NRIP1: variants seen among roughly 807,000 people sequenced by gnomAD.
The protein encoded by NRIP1 is nuclear receptor-interacting protein 1.
Under a neutral mutation model 75.0 loss-of-function variants are expected in NRIP1, and 28 were observed. The observed-to-expected ratio is 0.37, with a 90% CI of 0.28 to 0.51. The LOEUF (loss-of-function observed/expected upper bound fraction) is 0.51. Ranked by LOEUF, NRIP1 falls within the 20% of genes least tolerant of loss-of-function variation. NRIP1 has a pLI of 0.92. For synonymous variants in NRIP1, 526 were observed against 487.6 expected, an observed-to-expected ratio of 1.08 and a Z score of -1.04; for missense variants, 1,435 against 1,343.7, an observed-to-expected ratio of 1.07 and a Z score of -1.06.
At chr21:15,053,675 T>C (rs965605036) in intron 1 of NRIP1, among the ~76,000 whole-genome samples, 1 of 152,194 alleles carries the variant, frequency 6.6e-6, no homozygotes, top group Non-Finnish European at 1.5e-5. Flanking sequence ...TAGAACACAG[T>C]GCATAAATAG....
chr21:15,024,146 A>G (rs894877914), intron 2 of NRIP1, among the ~76,000 whole-genome samples: 4 of 152,252 alleles, frequency 2.6e-5, no homozygotes, highest in Admixed American at 2.0e-4. Flanking sequence ...AACTATATGC[A>G]AAGCGTTAAG....
Position 14,965,659 on chromosome 21 carries a change from G to GCCA in NRIP1, c.2531_2533dup (p.Met844_Ala845insVal). On this transcript the variant is annotated inframe_insertion, in exon 4 of 4. Coordinates refer to ENST00000318948, the MANE Select transcript of NRIP1 (RefSeq NM_003489.4). ...GCAAAGATTCTTTGATTCTAGAAGT[G>GCCA]CCATTTCATTATTTCTGTGACTCCT... The GCCA allele has an allele frequency of 1.2e-6, 2 of 1,613,258 alleles. No homozygotes were observed.
chr21:15,026,058 C>T (rs2088511459), intron 2 of NRIP1, among the ~76,000 whole-genome samples: 1 of 152,068 alleles, frequency 6.6e-6, no homozygotes, highest in African/African-American at 2.4e-5. Context: ...AGGACAAGGT[C>T]TTGTTTCTTT....
At chr21:15,011,391 G>A (rs865926669) in intron 3 of NRIP1, among the ~76,000 whole-genome samples, 10 of 152,104 alleles carry the variant, frequency 6.6e-5, no homozygotes, top group Non-Finnish European at 8.8e-5. Flanking sequence ...GGGTTTCACC[G>A]TGTCAGCCAG....
At chr21:15,026,670 A>T (rs1321856228) in intron 2 of NRIP1, among the ~76,000 whole-genome samples, 3 of 151,854 alleles carry the variant, frequency 2.0e-5, no homozygotes, top group Non-Finnish European at 2.9e-5. Flanking sequence ...TATATCAAAA[A>T]CAAAACAAAA....
intron 2 of NRIP1, among the ~76,000 whole-genome samples, chr21:15,015,706 G>A (rs934752643): frequency 2.6e-5 from 4 of 151,972 alleles, no homozygotes; most frequent in African/African-American, 4.8e-5. Flanking sequence ...CTATATAAGT[G>A]ATAAAAACAG....
intron 2 of NRIP1, among the ~76,000 whole-genome samples, chr21:15,024,868 C>T (rs1320916313): frequency 2.6e-5 from 4 of 152,088 alleles, no homozygotes; most frequent in Non-Finnish European, 5.9e-5. Flanking sequence ...GGTATGAACT[C>T]GCATTTCACG....
intron 1 of NRIP1, among the ~76,000 whole-genome samples, chr21:15,060,328 T>C (rs2089397788): frequency 6.6e-6 from 1 of 152,172 alleles, no homozygotes; most frequent in Admixed American, 6.5e-5. Flanking sequence ...TGGGCATCCA[T>C]ATAATAGTTT....
In NRIP1 at chr21:14,965,488, A is replaced by T. The variant is rs571541083; in HGVS notation, c.2705T>A (p.Phe902Tyr). The stretch of plus-strand genomic sequence containing the variant: ...TTTAAATTCAAGATCATTTCTGCTA[A>T]ATTTCAGCTCTTCCTGGTTAAGCAA... ...GSLLNQEELK[F>Y]SRNDLEFKYP... Residue 902 changes from phenylalanine (F) to tyrosine (Y), a missense_variant, in exon 4 of 4, where the codon TTT becomes TAT. Phe to Tyr is a conservative substitution (Grantham distance 22). Coordinates refer to ENST00000318948, the MANE Select transcript of NRIP1 (RefSeq NM_003489.4). 5 of 1,613,956 alleles carry T rather than the reference A, an allele frequency of 3.1e-6. No homozygotes were observed. The highest frequency in any genetic ancestry group is 3.4e-6 in the Non-Finnish European group (4 of 1,179,942).
At position 14,966,761 on chromosome 21, in the gene NRIP1, C is replaced by T. The variant is rs1346747274; in HGVS notation, c.1432G>A (p.Val478Ile). The change falls in exon 4 of 4, where the codon GTA becomes ATA. Residue 478 changes from valine to isoleucine, a missense_variant. Val to Ile is a conservative substitution (Grantham distance 29, BLOSUM62 3). Coordinates refer to ENST00000318948, the MANE Select transcript of NRIP1 (RefSeq NM_003489.4). Reference protein sequence around the residue: ...LNTWDPKVPDVDIKEDQDTSK... With the variant: ...LNTWDPKVPDIDIKEDQDTSK... ...GTATCTTGATCTTCTTTGATATCTA[C>T]ATCTGGGACTTTTGGATCCCAAGTG... is the stretch of plus-strand genomic sequence containing the variant. 1.9e-6 allele frequency: 3 copies of T among 1,613,954 alleles called. No individual in the cohort carries two copies. Among genetic ancestry groups the T allele is most frequent in the African/African-American group, 1.3e-5 (1 of 74,914 alleles).
At chr21:15,058,710 T>A (rs2089357702) in intron 1 of NRIP1, among the ~76,000 whole-genome samples, 1 of 152,176 alleles carries the variant, frequency 6.6e-6, no homozygotes, top group Non-Finnish European at 1.5e-5. Flanking sequence ...CGATTCCCCA[T>A]CTTACTAATG....
chr21:15,005,437 G>C (rs1311258941), intron 3 of NRIP1, among the ~76,000 whole-genome samples: 1 of 152,162 alleles, frequency 6.6e-6, no homozygotes, highest in African/African-American at 2.4e-5. Context: ...TTGGTTGGTT[G>C]AACGCTGAGG....
chr21:15,016,880 G>A (rs937769096), intron 2 of NRIP1, among the ~76,000 whole-genome samples: 5 of 149,650 alleles, frequency 3.3e-5, no homozygotes, highest in African/African-American at 1.2e-4. Context: ...GCGAGACTCC[G>A]TCAAAGAAAG....
At chr21:15,065,615 G>A (rs944734480), upstream of NRIP1, 1 of 151,336 alleles carries the variant, frequency 6.6e-6, no homozygotes, top group Non-Finnish European at 1.5e-5. Flanking sequence ...CTGCTTTAAT[G>A]TTGGGGGGCA....
At position 15,036,914 on chromosome 21, in the gene NRIP1, T is replaced by C. The variant is rs532240391; in HGVS notation, c.-458+6581A>G. ...TTTTGGGAAGTTAACAAAACTTTTA[T>C]CTTTGAAATTGTTACATTCTAAGCA... On this transcript the variant is annotated intron_variant, in intron 2 of 3. Transcript: ENST00000318948. 1.6e-4 allele frequency among the ~76,000 whole-genome samples: 25 copies of C among 152,304 alleles called. No homozygotes were observed. In the South Asian group the frequency reaches 2.7e-3, roughly 16 times the overall value.
At chr21:15,017,222 A>G (rs2088256166) in intron 2 of NRIP1, among the ~76,000 whole-genome samples, 1 of 152,050 alleles carries the variant, frequency 6.6e-6, no homozygotes, top group Non-Finnish European at 1.5e-5. Flanking sequence ...TACTATTATC[A>G]TTATTATTTT....
chr21:14,969,060 G>T (rs1439059122), intron 3 of NRIP1, among the ~76,000 whole-genome samples: 1 of 152,134 alleles, frequency 6.6e-6, no homozygotes, highest in Non-Finnish European at 1.5e-5. Context: ...CATTCCATAA[G>T]TAATTTTTAG....
rs61008101 is a variant in NRIP1, at chr21:14,965,738, G to A, written c.2455C>T (p.Leu819=). 2 of 1,613,926 alleles carry A rather than the reference G, an allele frequency of 1.2e-6. No individual in the cohort carries two copies. Among genetic ancestry groups the A allele is most frequent in the Admixed American group, 3.3e-5 (2 of 59,972 alleles). Residue 819 remains leucine, a synonymous_variant, in exon 4 of 4, where the codon CTA becomes TTA. Coordinates refer to ENST00000318948, the MANE Select transcript of NRIP1 (RefSeq NM_003489.4). ...QDFSFSKNGL[L]SRLLRQNQDS... is the part of the protein sequence containing the mutation. ...TGATTTTGTCTTAGCAATCGACTTA[G>A]CAGACCATTCTTGGAGAAAGAAAAA...
intron 3 of NRIP1, among the ~76,000 whole-genome samples, chr21:14,978,016 T>G (rs774557507): frequency 1.3e-5 from 2 of 152,204 alleles, no homozygotes; most frequent in South Asian, 2.1e-4. Flanking sequence ...TGCTCTCCAC[T>G]GCAACCTGAA....
Sources: allele counts gnomAD v4.1 joint callset (sites outside exome capture counted in the v4.1 genomes callset), GRCh38; gene constraint gnomAD v4.1.1; transcripts MANE v1.5; gene names NCBI Gene and HGNC (gene_info 2026-07-23, HGNC 2026-07-21).